The following WWOX variants were observed in gnomAD, a reference collection of about 807,000 sequenced individuals.
WWOX encodes the protein WW domain containing oxidoreductase, also known as WW domain-containing oxidoreductase.
A neutral mutation model predicts 46.2 loss-of-function variants in WWOX; 69 were observed. That is an observed-to-expected ratio of 1.49 (90% CI 1.23 to 1.82). The LOEUF (loss-of-function observed/expected upper bound fraction) is 1.82, where lower values mean the gene tolerates loss of function less well. Among genes scored for constraint, WWOX ranks in the 40% most tolerant of loss-of-function variants. WWOX has a pLI of 0.00. For synonymous variants in WWOX, 359 were observed against 202.6 expected (o/e 1.77, Z -6.56); for missense variants, 919 against 542.6 (o/e 1.69, Z -6.89).
Position 78,544,600 on chromosome 16 carries a change from A to G in WWOX, c.1056+111848A>G, listed in dbSNP as rs531002560. On this transcript the variant is annotated intron_variant, in intron 8 of 8. Coordinates refer to ENST00000566780, the MANE Select transcript of WWOX (RefSeq NM_016373.4). ...TTAAAATGAGATGATTGAAAATGAG[A>G]TGTGGCTGGGCATGGTGGCTCACAC... is the stretch of plus-strand genomic sequence containing the variant. 5.9e-5 allele frequency among the ~76,000 whole-genome samples: 9 copies of G among 152,280 alleles called. No individual in the cohort carries two copies. In the South Asian group the frequency reaches 8.3e-4, roughly 14 times the overall value.
chr16:79,095,612 G>A (rs1241965459), intron 8 of WWOX, among the ~76,000 whole-genome samples: 7 of 152,112 alleles, frequency 4.6e-5, no homozygotes, highest in African/African-American at 7.2e-5. Context: ...CTCATCTAGC[G>A]GAAGTCGATC....
At chr16:78,561,617 T>A (rs1385099743) in intron 8 of WWOX, among the ~76,000 whole-genome samples, 4 of 150,976 alleles carry the variant, frequency 2.6e-5, no homozygotes, top group Admixed American at 1.3e-4. Context: ...AAAAGAGACC[T>A]GATATTTGGA....
intron 5 of WWOX, among the ~76,000 whole-genome samples, chr16:78,370,178 T>A (rs982549874): frequency 7.5e-5 from 11 of 146,692 alleles, no homozygotes; most frequent in African/African-American, 2.7e-4. Flanking sequence ...CCAGACAATC[T>A]GGGTGCATAT....
In WWOX at chr16:78,230,085, G is replaced by C. The variant is rs146888001; in HGVS notation, c.516+65796G>C. On this transcript the variant is annotated intron_variant, in intron 5 of 8. Coordinates refer to ENST00000566780, the MANE Select transcript of WWOX (RefSeq NM_016373.4). The stretch of plus-strand genomic sequence containing the variant: ...TGTGGAGATGGGGTTTTACCATGTT[G>C]CCTAGGCTGGTCTCGATCTCCTGGG... 8.9e-3 allele frequency among the ~76,000 whole-genome samples: 1,358 copies of C among 152,178 alleles called. 23 individuals carry two copies. The highest frequency in any genetic ancestry group is 0.031 in the African/African-American group (1,302 of 41,508).
At chr16:78,649,319 T>C (rs2046913934) in intron 8 of WWOX, among the ~76,000 whole-genome samples, 2 of 151,936 alleles carry the variant, frequency 1.3e-5, no homozygotes, top group South Asian at 4.2e-4. Flanking sequence ...AGTTTCACAC[T>C]GTTTACCAGA....
At position 79,197,917 on chromosome 16, in the gene WWOX, G is replaced by A. The variant is rs532718534; in HGVS notation, c.1057-13691G>A. Among the ~76,000 whole-genome samples the A allele has an allele frequency of 1.2e-4, 19 of 152,226 alleles. No homozygotes were observed. In the South Asian group the frequency reaches 3.9e-3, roughly 32 times the overall value. On this transcript the variant is annotated intron_variant, in intron 8 of 8. Coordinates refer to ENST00000566780, the MANE Select transcript of WWOX (RefSeq NM_016373.4). ...AGGAAGTTATGCTTCCCAGCCTCTA[G>A]GAAAGCATAGGAGTTAAGGAGAACT...
At position 78,619,510 on chromosome 16, in the gene WWOX, C is replaced by G. The variant is rs138530330; in HGVS notation, c.1056+186758C>G. On this transcript the variant is annotated intron_variant, in intron 8 of 8. Coordinates refer to ENST00000566780, the MANE Select transcript of WWOX (RefSeq NM_016373.4). ...AATTACAGGACCCTGCCAACCTCCT[C>G]CTATCCCCTTTCAGCTCCTGCTGTG... Among the ~76,000 whole-genome samples the G allele has an allele frequency of 4.6e-5, 7 of 151,904 alleles. No individual in the cohort carries two copies. The South Asian group carries it at 8.3e-4, about 18-fold the overall frequency.
At chr16:78,620,689 A>G (rs1239441488) in intron 8 of WWOX, among the ~76,000 whole-genome samples, 1 of 120,548 alleles carries the variant, frequency 8.3e-6, no homozygotes, top group Non-Finnish European at 2.0e-5. Flanking sequence ...TTCAGGAAAT[A>G]TGGTTTTTTT....
intron 8 of WWOX, among the ~76,000 whole-genome samples, chr16:78,649,676 T>A (rs184589971): frequency 6.6e-6 from 1 of 152,234 alleles, no homozygotes; most frequent in Non-Finnish European, 1.5e-5. Context: ...TCTGCCCCCT[T>A]TTGACCTCTG....
chr16:78,296,412 A>G (rs1418344918), intron 5 of WWOX, among the ~76,000 whole-genome samples: 1 of 151,974 alleles, frequency 6.6e-6, no homozygotes, highest in East Asian at 1.9e-4. Context: ...GAAGGGCTCA[A>G]AGGTAATTTC....
intron 8 of WWOX, among the ~76,000 whole-genome samples, chr16:78,869,197 G>A (rs918908771): frequency 6.6e-6 from 1 of 152,100 alleles, no homozygotes; most frequent in South Asian, 2.1e-4. Context: ...CATGTTCTGT[G>A]GACTCTGTGG....
At chr16:78,149,641 C>T (rs35575945) in intron 4 of WWOX, among the ~76,000 whole-genome samples, 1 of 152,034 alleles carries the variant, frequency 6.6e-6, no homozygotes, top group Non-Finnish European at 1.5e-5. Flanking sequence ...TCCCTCTTTC[C>T]GGACAGCTGC....
intron 5 of WWOX, among the ~76,000 whole-genome samples, chr16:78,230,549 C>T (rs747975231): frequency 1.9e-4 from 29 of 152,196 alleles, no homozygotes; most frequent in Non-Finnish European, 3.1e-4. Context: ...TGCTGTTAGG[C>T]GTCTTCAAGT....
At chr16:78,898,208 C>T (rs989812124) in intron 8 of WWOX, 1 of 152,004 alleles carries the variant, frequency 6.6e-6, no homozygotes, top group Non-Finnish European at 1.5e-5. Context: ...TTCTAAGAAC[C>T]TTTACCAATC....
chr16:78,288,449 C>T (rs993317394), intron 5 of WWOX, among the ~76,000 whole-genome samples: 2 of 151,952 alleles, frequency 1.3e-5, no homozygotes, highest in African/African-American at 4.8e-5. Context: ...GCAGTGGTGG[C>T]TGTGGTTGTC....
chr16:78,988,279 G>A (rs372344675), intron 8 of WWOX, among the ~76,000 whole-genome samples: 1 of 151,352 alleles, frequency 6.6e-6, no homozygotes, highest in African/African-American at 2.4e-5. Flanking sequence ...GGGAGGCAGA[G>A]GTTGCAGTGA....
chr16:78,677,228 C>T (rs1002382364), intron 8 of WWOX, among the ~76,000 whole-genome samples: 8 of 152,176 alleles, frequency 5.3e-5, no homozygotes, highest in Admixed American at 2.6e-4. Flanking sequence ...GAATTATACC[C>T]GGCCTCAGGG....
chr16:78,469,250 C>A (rs1373756415), intron 8 of WWOX, among the ~76,000 whole-genome samples: 1 of 152,142 alleles, frequency 6.6e-6, no homozygotes, highest in Non-Finnish European at 1.5e-5. Context: ...TCAAGATATC[C>A]ACCTGTAAAA....
At chr16:78,963,369 T>G (rs2151314642) in intron 8 of WWOX, among the ~76,000 whole-genome samples, 1 of 152,278 alleles carries the variant, frequency 6.6e-6, no homozygotes, top group East Asian at 1.9e-4. Flanking sequence ...CTTGGGCAGC[T>G]GAGGCAGGAG....
Sources: allele counts gnomAD v4.1 joint callset (sites outside exome capture counted in the v4.1 genomes callset), GRCh38; gene constraint gnomAD v4.1.1; transcripts MANE v1.5; gene names NCBI Gene and HGNC (gene_info 2026-07-23, HGNC 2026-07-21).